Variants in FGGY observed in about 807,000 individuals in gnomAD.
FGGY encodes FGGY carbohydrate kinase domain containing, also known as FGGY carbohydrate kinase domain-containing protein.
Under a neutral mutation model 71.3 loss-of-function variants are expected in FGGY, and 72 were observed. The ratio of observed to expected loss-of-function variants is 1.01; its 90% CI spans 0.84 to 1.23. The LOEUF is 1.23. Ranked by LOEUF, FGGY falls within the 50% of genes most tolerant of loss-of-function variation. The pLI is 0.00. For synonymous variants in FGGY, 251 were observed against 250.3 expected (o/e 1.00, Z -0.02); for missense variants, 668 against 682.3 (o/e 0.98, Z 0.23).
rs191997984 is a variant in FGGY, at chr1:59,672,239, C to T, written c.1418-1800C>T. 5.3e-3 allele frequency among the ~76,000 whole-genome samples: 805 copies of T among 152,294 alleles called. 5 individuals are homozygous for T. The highest frequency in any genetic ancestry group is 6.9e-3 in the Non-Finnish European group (469 of 68,018). On this transcript the variant is annotated intron_variant, in intron 13 of 15. Transcript: ENST00000303721. ...CCTTTATTGTCCCTTCCCCACTTAT[C>T]CAGTTTTTAGTCCAGGTCTAGTACA...
chr1:59,546,397 A>G (rs1356833885), intron 7 of FGGY, among the ~76,000 whole-genome samples: 1 of 80,650 alleles, frequency 1.2e-5, no homozygotes, highest in East Asian at 4.1e-4. Context: ...GACCTTCCCT[A>G]TTATCTTGCT....
At chr1:59,475,189 C>G (rs1314797206) in intron 6 of FGGY, among the ~76,000 whole-genome samples, 1 of 152,062 alleles carries the variant, frequency 6.6e-6, no homozygotes, top group East Asian at 1.9e-4. Flanking sequence ...TTTTTCCAAC[C>G]AAGATACAAT....
chr1:59,533,285 G>T (rs899070726), intron 7 of FGGY, among the ~76,000 whole-genome samples: 2 of 152,208 alleles, frequency 1.3e-5, no homozygotes, highest in African/African-American at 4.8e-5. Context: ...CGAATATTGC[G>T]CTTTTCCGAC....
intron 6 of FGGY, among the ~76,000 whole-genome samples, chr1:59,482,527 C>A (rs139462714): frequency 1.3e-5 from 2 of 151,444 alleles, no homozygotes; most frequent in African/African-American, 4.8e-5. Context: ...TTATTTCCCA[C>A]AGAGAATTAC....
chr1:59,623,452 C>A (rs1426148049), intron 9 of FGGY, among the ~76,000 whole-genome samples: 1 of 152,124 alleles, frequency 6.6e-6, no homozygotes, highest in African/African-American at 2.4e-5. Flanking sequence ...GTGGTAAGTG[C>A]CACCAAGGAG....
intron 8 of FGGY, among the ~76,000 whole-genome samples, chr1:59,576,397 C>T (rs973453226): frequency 8.6e-5 from 13 of 151,144 alleles, no homozygotes; most frequent in African/African-American, 1.5e-4. Flanking sequence ...TGAGGCCAGT[C>T]GGGGGGTAGG....
chr1:59,639,565 C>T lies in FGGY; in HGVS notation c.1221+1190C>T, dbSNP rs2096998239. The stretch of plus-strand genomic sequence containing the variant: ...GAAAGTCATACTTTCAGATAACCAA[C>T]TCTCTCTGTAAACAGGGGGTAGGGG... On this transcript the variant is annotated intron_variant, in intron 11 of 15. Transcript: ENST00000303721. 2.0e-5 allele frequency among the ~76,000 whole-genome samples: 3 copies of T among 152,206 alleles called. No homozygotes were observed. In the South Asian group the frequency reaches 6.2e-4, roughly 31 times the overall value.
chr1:59,571,797 A>G (rs1181528095), intron 8 of FGGY, among the ~76,000 whole-genome samples: 1 of 152,234 alleles, frequency 6.6e-6, no homozygotes, highest in Non-Finnish European at 1.5e-5. Context: ...ATATGACAAC[A>G]TAGATGGATC....
In FGGY at chr1:59,419,475, G is replaced by A. The variant is rs554147305; in HGVS notation, c.555-37486G>A. Among the ~76,000 whole-genome samples the A allele has an allele frequency of 8.5e-5, 13 of 152,256 alleles. No homozygotes were observed. The South Asian group carries it at 2.5e-3, about 29-fold the overall frequency. ...AAATGAGTTATGAAGAGTGGGGCTT[G>A]GATATGCTCTTTTTATATCCCAGGG... On this transcript the variant is annotated intron_variant, in intron 5 of 15. Coordinates refer to ENST00000303721, the MANE Select transcript of FGGY (RefSeq NM_018291.5).
intron 11 of FGGY, among the ~76,000 whole-genome samples, chr1:59,650,506 C>A (rs1462550644): frequency 9.8e-6 from 1 of 101,570 alleles, no homozygotes; most frequent in African/African-American, 5.1e-5. Flanking sequence ...GGAATTTATC[C>A]ATTTCTTCTA....
intron 5 of FGGY, among the ~76,000 whole-genome samples, chr1:59,412,930 G>A (rs1332636150): frequency 6.6e-6 from 1 of 152,126 alleles, no homozygotes; most frequent in Admixed American, 6.5e-5. Flanking sequence ...GCTGAGAGAA[G>A]ACTGATCTAT....
chr1:59,640,704 C>A (rs945869808), intron 11 of FGGY, among the ~76,000 whole-genome samples: 1 of 150,888 alleles, frequency 6.6e-6, no homozygotes, highest in Non-Finnish European at 1.5e-5. Context: ...TTAGATAAAA[C>A]AAACATATGA....
rs2098111234 is a variant in FGGY, at chr1:59,736,959, A to C, written c.1513-20972A>C. Among the ~76,000 whole-genome samples, 3 of 152,218 alleles carry C rather than the reference A, an allele frequency of 2.0e-5. No homozygotes were observed. The South Asian group carries it at 6.2e-4, about 32-fold the overall frequency. On this transcript the variant is annotated intron_variant, in intron 14 of 15. Transcript: ENST00000303721. The stretch of plus-strand genomic sequence containing the variant: ...AAAAGTGGTTTTGTAGGCAGGGCCC[A>C]GGGTACCCCTGCTGTGTGCAGCCTC...
chr1:59,406,021 C>T (rs1369017910), intron 5 of FGGY, among the ~76,000 whole-genome samples: 1 of 150,894 alleles, frequency 6.6e-6, no homozygotes, highest in Admixed American at 6.6e-5. Context: ...GAAAAGAAGA[C>T]AAAAATGTAG....
At chr1:59,343,281 G>A (rs959454196) in intron 3 of FGGY, among the ~76,000 whole-genome samples, 2 of 152,200 alleles carry the variant, frequency 1.3e-5, no homozygotes, top group African/African-American at 4.8e-5. Flanking sequence ...TAGGTAAAGT[G>A]AGGTAGCTCA....
Position 59,316,990 on chromosome 1 carries a change from T to C in FGGY, c.-14-4546T>C, listed in dbSNP as rs186143568. Among the ~76,000 whole-genome samples the C allele has an allele frequency of 1.3e-3, 203 of 152,332 alleles. 1 individual carries two copies. The highest frequency in any genetic ancestry group is 4.7e-3 in the African/African-American group (196 of 41,570). Reference sequence around the variant, plus strand: ...CTCTCACCATTCATAATGCGGTCTTTGGAGTCACACTGACTTAGCCTCAAA... The same window carrying C: ...CTCTCACCATTCATAATGCGGTCTTCGGAGTCACACTGACTTAGCCTCAAA... On this transcript the variant is annotated intron_variant, in intron 1 of 15. Transcript: ENST00000303721.
chr1:59,397,934 G>A (rs1489243813), intron 5 of FGGY, among the ~76,000 whole-genome samples: 1 of 152,094 alleles, frequency 6.6e-6, no homozygotes, highest in African/African-American at 2.4e-5. Flanking sequence ...ACTCAGTCAG[G>A]TCTGACCTGT....
intron 9 of FGGY, among the ~76,000 whole-genome samples, chr1:59,624,435 A>G (rs150101019): frequency 5.9e-5 from 9 of 152,332 alleles, no homozygotes; most frequent in African/African-American, 1.9e-4. Flanking sequence ...TGTGTGTACA[A>G]TGCTTAAGTT....
At chr1:59,394,685 G>A (rs2061112524) in intron 5 of FGGY, among the ~76,000 whole-genome samples, 1 of 152,176 alleles carries the variant, frequency 6.6e-6, no homozygotes, top group African/African-American at 2.4e-5. Context: ...ACCTTCTGGA[G>A]GGAATAGTGC....
Sources: allele counts gnomAD v4.1 joint callset (sites outside exome capture counted in the v4.1 genomes callset), GRCh38; gene constraint gnomAD v4.1.1; transcripts MANE v1.5; gene names NCBI Gene and HGNC (gene_info 2026-07-23, HGNC 2026-07-21).